MAP4K5: variants seen among roughly 807,000 people sequenced by gnomAD.
MAP4K5 encodes mitogen-activated protein kinase kinase kinase kinase 5, also known as MAPK/ERK kinase kinase kinase 5.
A neutral mutation model predicts 135.6 loss-of-function variants in MAP4K5; 82 were observed. The ratio of observed to expected loss-of-function variants is 0.60; its 90% confidence interval spans 0.51 to 0.73. The LOEUF (loss-of-function observed/expected upper bound fraction) is 0.73. MAP4K5 is among the 30% of genes least tolerant of loss of function. MAP4K5 has a pLI of 0.00. For synonymous variants in MAP4K5, 347 were observed against 335.0 expected, an observed-to-expected ratio of 1.04 and a Z score of -0.39; for missense variants, 907 against 1,010.9, an observed-to-expected ratio of 0.90 and a Z score of 1.39.
In MAP4K5 at chr14:50,420,038, C is replaced by G; in HGVS notation, c.2522G>C (p.Gly841Ala). ...TGTTGCTTAGTAACTATTTTCATGT[C>G]CAGCCAAGATGTAGAGATTGCTGTG... Reference protein sequence around the residue: ...TAHSNLYILAGHENSY With the variant: ...TAHSNLYILAAHENSY The change falls in exon 33 of 33, where the codon GGA becomes GCA. Residue 841 changes from glycine to alanine, a missense_variant. Physicochemically the swap from Gly to Ala is moderately conservative, Grantham distance 60. Coordinates refer to ENST00000682126, the MANE Select transcript of MAP4K5 (RefSeq NM_006575.6). 1.9e-6 allele frequency: 3 copies of G among 1,609,196 alleles called. No individual in the cohort carries two copies. The highest frequency in any genetic ancestry group is 2.5e-6 in the Non-Finnish European group (3 of 1,177,392).
At chr14:50,486,967 T>G (rs2037376180) in intron 3 of MAP4K5, among the ~76,000 whole-genome samples, 1 of 152,102 alleles carries the variant, frequency 6.6e-6, no homozygotes, top group Non-Finnish European at 1.5e-5. Context: ...AAGGAAAAAC[T>G]CAGCAATTAG....
chr14:50,480,243 A>G (rs1416921091), intron 6 of MAP4K5, among the ~76,000 whole-genome samples: 1 of 152,106 alleles, frequency 6.6e-6, no homozygotes, highest in Non-Finnish European at 1.5e-5. Context: ...AATGTGAAAT[A>G]AACACATCAT....
rs896075410 is a variant in MAP4K5, at chr14:50,468,766, C to T, written c.559G>A (p.Ala187Thr). The T allele has an allele frequency of 1.2e-6, 2 of 1,610,562 alleles. No homozygotes were observed. Among genetic ancestry groups the T allele is most frequent in the African/African-American group, 1.3e-5 (1 of 75,008 alleles). Residue 187 changes from alanine to threonine, a missense_variant, in exon 10 of 33, where the codon GCA (alanine) becomes ACA (threonine). This residue lies in a region of MAP4K5 where 690 missense variants were observed against 777.4 expected (regional missense o/e 0.89). Coordinates refer to ENST00000682126, the MANE Select transcript of MAP4K5 (RefSeq NM_006575.6). The part of the protein sequence containing the change: ...GTPYWMAPEV[A>T]AVEKNGGYNQ... ...TAGCCACCATTCTTCTCTACTGCTG[C>T]AACTTCTGGGGCCATCCTAGAAGGA...
intron 2 of MAP4K5, among the ~76,000 whole-genome samples, chr14:50,527,059 T>C (rs1241954994): frequency 6.6e-6 from 1 of 152,226 alleles, no homozygotes; most frequent in African/African-American, 2.4e-5. Flanking sequence ...ATAGTACTTT[T>C]GACTGGGTGT....
intron 3 of MAP4K5, among the ~76,000 whole-genome samples, chr14:50,491,839 T>C (rs1056581657): frequency 2.0e-5 from 3 of 151,858 alleles, no homozygotes; most frequent in African/African-American, 7.3e-5. Context: ...GCACATGTCA[T>C]GACACCTAGC....
Position 50,551,605 on chromosome 14 carries a change from A to G in MAP4K5, c.-179-9021T>C, listed in dbSNP as rs573191382. 2.6e-5 allele frequency among the ~76,000 whole-genome samples: 4 copies of G among 152,320 alleles called. No homozygotes were observed. In the East Asian group the frequency reaches 5.8e-4, roughly 22 times the overall value. On this transcript the variant is annotated intron_variant, in intron 1 of 8. Transcript: ENST00000555216. ...AACTACAGACCATTATCTCTGATGA[A>G]CATAGATGCAAAAAATTGTAACAAA...
intron 2 of MAP4K5, among the ~76,000 whole-genome samples, chr14:50,529,278 T>C (rs1291610410): frequency 1.3e-5 from 2 of 152,056 alleles, no homozygotes; most frequent in African/African-American, 2.4e-5. Flanking sequence ...TGCCAGCTAC[T>C]TGGGGGGCTG....
At chr14:50,497,474 T>G (rs1055459566) in intron 3 of MAP4K5, among the ~76,000 whole-genome samples, 1 of 152,212 alleles carries the variant, frequency 6.6e-6, no homozygotes, top group African/African-American at 2.4e-5. Context: ...ATAGAAAGTC[T>G]GAAAAGAACA....
intron 1 of MAP4K5, among the ~76,000 whole-genome samples, chr14:50,556,709 C>G (rs1487313996): frequency 6.6e-6 from 1 of 152,158 alleles, no homozygotes; most frequent in Non-Finnish European, 1.5e-5. Context: ...TTAGATTTGC[C>G]TATTCTATAA....
chr14:50,541,747 G>A (rs755612688), intron 2 of MAP4K5, among the ~76,000 whole-genome samples: 14 of 152,050 alleles, frequency 9.2e-5, no homozygotes, highest in Middle Eastern at 3.4e-3. Context: ...TTGGCCAGGC[G>A]CGGTGGCTCA....
At chr14:50,545,457 C>T (rs1044764496) in intron 1 of MAP4K5, among the ~76,000 whole-genome samples, 4 of 152,084 alleles carry the variant, frequency 2.6e-5, no homozygotes, top group Admixed American at 2.0e-4. Context: ...TCGACGGCAT[C>T]CATGTGGGGT....
intron 9 of MAP4K5, among the ~76,000 whole-genome samples, chr14:50,469,526 A>T (rs531079791): frequency 6.6e-6 from 1 of 152,286 alleles, no homozygotes; most frequent in African/African-American, 2.4e-5. Flanking sequence ...GAGGTCAAAC[A>T]ATCTAAAACT....
intron 10 of MAP4K5, among the ~76,000 whole-genome samples, chr14:50,467,047 T>A (rs999668600): frequency 2.6e-5 from 4 of 152,170 alleles, no homozygotes; most frequent in Non-Finnish European, 5.9e-5. Context: ...CATATTTATT[T>A]TGGGTGGGTG....
At chr14:50,426,491 G>A (rs919007474) in intron 30 of MAP4K5, among the ~76,000 whole-genome samples, 19 of 152,286 alleles carry the variant, frequency 1.2e-4, no homozygotes, top group African/African-American at 3.1e-4. Context: ...TTGGGAGGCC[G>A]AGGTGGGTGG....
At chr14:50,534,968 T>C (rs529871029), upstream of MAP4K5, among the ~76,000 whole-genome samples, 1 of 152,066 alleles carries the variant, frequency 6.6e-6, no homozygotes, top group Non-Finnish European at 1.5e-5. Flanking sequence ...ATGTTAGTTA[T>C]GTCATGGTAA....
chr14:50,431,219 C>T (rs1024959502), intron 28 of MAP4K5, among the ~76,000 whole-genome samples: 1 of 151,908 alleles, frequency 6.6e-6, no homozygotes, highest in Non-Finnish European at 1.5e-5. Flanking sequence ...AAGTACTTTG[C>T]TTATTTTTCT....
chr14:50,456,043 T>C (rs1484793931), intron 14 of MAP4K5, among the ~76,000 whole-genome samples: 1 of 152,132 alleles, frequency 6.6e-6, no homozygotes, highest in Non-Finnish European at 1.5e-5. Flanking sequence ...GAGAGTAAAC[T>C]GGCTAACTAC....
intron 5 of MAP4K5, 139 bp downstream of exon 5, chr14:50,485,439 T>G: frequency 1.8e-6 from 1 of 561,118 alleles, no homozygotes; most frequent in South Asian, 2.9e-5. Context: ...AAATACAGAT[T>G]TCTGTTATGC....
At chr14:50,560,540 C>T in intron 1 of MAP4K5, 2 of 566,164 alleles carry the variant, frequency 3.5e-6, no homozygotes, top group Non-Finnish European at 3.2e-6. Context: ...CCTCCAGCTC[C>T]TTCTTCCCCA....
Sources: gnomAD v4.1 joint callset for allele counts (sites outside exome capture counted in the v4.1 genomes callset) on GRCh38, gnomAD v4.1.1 for gene constraint, gnomAD v4.1.1 regional missense constraint, MANE v1.5 for transcripts, NCBI Gene and HGNC (gene_info 2026-07-23, HGNC 2026-07-21) for gene names.